NEK6: variants seen among roughly 807,000 people sequenced by gnomAD.
NEK6 encodes the protein NIMA related kinase 6.
NEK6 carries 27 observed loss-of-function variants against 43.5 expected under a neutral mutation model. That is an observed-to-expected ratio of 0.62 (90% confidence interval 0.46 to 0.86). The LOEUF (loss-of-function observed/expected upper bound fraction) is 0.86. NEK6 is among the 40% of genes least tolerant of loss of function. NEK6 has a pLI of 0.00. For synonymous variants in NEK6, 167 were observed against 164.1 expected, an observed-to-expected ratio of 1.02 and a Z score of -0.14; for missense variants, 318 against 414.4, an observed-to-expected ratio of 0.77 and a Z score of 2.02.
intron 5 of NEK6, among the ~76,000 whole-genome samples, chr9:124,323,778 AGAG>A (rs1205572738): frequency 6.6e-6 from 1 of 152,130 alleles, no homozygotes; most frequent in Non-Finnish European, 1.5e-5. Context: ...CTGAGAGAGA[AGAG>A]GAGACATGGG....
intron 1 of NEK6, among the ~76,000 whole-genome samples, chr9:124,258,551 G>T (rs1830900599): frequency 6.6e-6 from 1 of 152,242 alleles, no homozygotes; most frequent in Admixed American, 6.5e-5. Context: ...GCGAAAGTAT[G>T]CCTGTGTGGG....
At chr9:124,330,208 G>A (rs1247472979) in intron 7 of NEK6, among the ~76,000 whole-genome samples, 1 of 152,210 alleles carries the variant, frequency 6.6e-6, no homozygotes, top group Non-Finnish European at 1.5e-5. Context: ...AATAGGAGCC[G>A]TAATTAGAGC....
intron 1 of NEK6, among the ~76,000 whole-genome samples, chr9:124,282,926 AT>A (rs1178649729): frequency 6.8e-4 from 103 of 152,270 alleles, no homozygotes; most frequent in African/African-American, 2.3e-3. Context: ...AGGGCCCGCC[AT>A]TCCCGGCAGC....
chr9:124,277,523 C>T (rs1469409386), intron 1 of NEK6, among the ~76,000 whole-genome samples: 2 of 152,194 alleles, frequency 1.3e-5, no homozygotes, highest in Non-Finnish European at 2.9e-5. Context: ...GGTGTTGGGG[C>T]AGCGGAGGGC....
intron 1 of NEK6, among the ~76,000 whole-genome samples, chr9:124,285,859 G>A (rs777287895): frequency 3.9e-5 from 6 of 152,152 alleles, no homozygotes; most frequent in Non-Finnish European, 7.3e-5. Flanking sequence ...TCTGTAAAAC[G>A]GAGATAATAA....
intron 1 of NEK6, among the ~76,000 whole-genome samples, chr9:124,294,864 G>A (rs1293254443): frequency 6.6e-6 from 1 of 152,220 alleles, no homozygotes; most frequent in Non-Finnish European, 1.5e-5. Context: ...GGAGTGTGGA[G>A]GCTGAAGGTA....
chr9:124,318,904 C>G (rs1205974809), intron 4 of NEK6, among the ~76,000 whole-genome samples: 1 of 152,134 alleles, frequency 6.6e-6, no homozygotes, highest in Non-Finnish European at 1.5e-5. Context: ...CTCCTGACTT[C>G]AGGTGATCCA....
At chr9:124,276,388 C>T (rs1831651455) in intron 1 of NEK6, among the ~76,000 whole-genome samples, 1 of 152,132 alleles carries the variant, frequency 6.6e-6, no homozygotes, top group African/African-American at 2.4e-5. Flanking sequence ...CTCCTCTGAC[C>T]CTGGCCCTTC....
In NEK6 at chr9:124,312,427, G is replaced by A. The variant is rs1156991749; in HGVS notation, c.91-82G>A. On this transcript the variant is annotated intron_variant, in intron 2 of 9. Coordinates refer to ENST00000320246, the MANE Select transcript of NEK6 (RefSeq NM_014397.6). ...CTCCTTCACCTTAGAGGGTGCTGTT[G>A]GGGTGCTGGGCCTCTAGGGGTCGTC... is the stretch of plus-strand genomic sequence containing the variant. The A allele has an allele frequency of 2.1e-6, 3 of 1,447,192 alleles. No individual in the cohort carries two copies. In the African/African-American group the frequency reaches 4.2e-5, roughly 20 times the overall value. 89.6% of individuals were successfully genotyped at this position (1,447,192 alleles called of 1,614,324 possible). A position where few individuals can be genotyped will look rare whatever the true frequency, so the allele number is the denominator to read the frequency against.
rs373203489 is a variant in NEK6, at chr9:124,314,775, C to T, written c.294+790C>T. Among the ~76,000 whole-genome samples the T allele has an allele frequency of 1.5e-4, 23 of 152,102 alleles. No individual in the cohort carries two copies. In the East Asian group the frequency reaches 2.1e-3, roughly 14 times the overall value. ...CCCCACCTTCTCGGTTCAAGCAGTT[C>T]TCCTGTCTCAGTCTCCTGGGATTAC... On this transcript the variant is annotated intron_variant, in intron 4 of 9. Coordinates refer to ENST00000320246, the MANE Select transcript of NEK6 (RefSeq NM_014397.6).
rs141689800 is a variant in NEK6, at chr9:124,280,624, G to A, written c.-29-21312G>A. ...TGACCAGTGTCCATTGGGTCATCAG[G>A]CCTCCAGGGCCACATGTTTGGAAAG... On this transcript the variant is annotated intron_variant, in intron 1 of 9. Transcript: ENST00000320246. 4.4e-3 allele frequency among the ~76,000 whole-genome samples: 668 copies of A among 152,312 alleles called. 7 individuals are homozygous for A. The highest frequency in any genetic ancestry group is 7.1e-3 in the Non-Finnish European group (481 of 68,022).
intron 1 of NEK6, 62 bp downstream of exon 1, chr9:124,258,147 C>T (rs1830881353): frequency 7.2e-6 from 7 of 977,290 alleles, no homozygotes; most frequent in African/African-American, 1.8e-5. Flanking sequence ...AGGGCGGGGG[C>T]CGGGCGGCGG....
At chr9:124,300,365 C>T (rs114189489) in intron 1 of NEK6, among the ~76,000 whole-genome samples, 1 of 152,282 alleles carries the variant, frequency 6.6e-6, no homozygotes, top group African/African-American at 2.4e-5. Flanking sequence ...CCTTTCCCAC[C>T]TCCTGGAACA....
At position 124,287,829 on chromosome 9, in the gene NEK6, G is replaced by GA. The variant is rs752785742; in HGVS notation, c.-29-14098dup. 2.7e-3 allele frequency among the ~76,000 whole-genome samples: 402 copies of GA among 149,932 alleles called. 2 individuals carry two copies. The highest frequency in any genetic ancestry group is 9.0e-3 in the African/African-American group (369 of 40,822). ...GACAGAGTGACACTGTCTCAAAAAA[G>GA]AAAAAAAAACCGCCCAGAAGAAATG... On this transcript the variant is annotated intron_variant, in intron 1 of 9. Coordinates refer to ENST00000320246, the MANE Select transcript of NEK6 (RefSeq NM_014397.6).
intron 1 of NEK6, among the ~76,000 whole-genome samples, chr9:124,269,490 C>T (rs142179063): frequency 9.1e-4 from 139 of 152,228 alleles, no homozygotes; most frequent in African/African-American, 3.3e-3. Flanking sequence ...TCTCCTGCCG[C>T]AGCCTCCCGA....
At chr9:124,329,322 C>T (rs1828842925) in intron 7 of NEK6, among the ~76,000 whole-genome samples, 1 of 152,248 alleles carries the variant, frequency 6.6e-6, no homozygotes, top group Non-Finnish European at 1.5e-5. Context: ...TGTCCCCCGT[C>T]AGTCAGCACC....
At chr9:124,284,319 A>G (rs1274724938) in intron 1 of NEK6, among the ~76,000 whole-genome samples, 1 of 152,272 alleles carries the variant, frequency 6.6e-6, no homozygotes, top group Non-Finnish European at 1.5e-5. Context: ...ACTGCACTCC[A>G]TACTGGGCGA....
At chr9:124,270,705 G>T (rs762086840) in intron 1 of NEK6, among the ~76,000 whole-genome samples, 92 of 152,238 alleles carry the variant, frequency 6.0e-4, no homozygotes, top group Non-Finnish European at 2.1e-4. Flanking sequence ...GGCCCCTGCT[G>T]CAGGTAACGG....
chr9:124,347,619 T>C lies in NEK6; in HGVS notation c.718-90T>C. 13 of 773,566 alleles carry C rather than the reference T, an allele frequency of 1.7e-5. No individual in the cohort carries two copies. In the South Asian group the frequency reaches 2.6e-4, roughly 15 times the overall value. The allele number at this position is 773,566 out of a possible 1,614,324, so 47.9% of individuals were successfully genotyped here. A position where few individuals can be genotyped will look rare whatever the true frequency, so the allele number is the denominator to read the frequency against. On this transcript the variant is annotated intron_variant, in intron 8 of 9. Coordinates refer to ENST00000320246, the MANE Select transcript of NEK6 (RefSeq NM_014397.6). ...CGCGGTCGGGACCAGAGAGAACCCA[T>C]GCCCCAACAATCTGGAGCAGCCTCC...
Sources: gnomAD v4.1 joint callset for allele counts (sites outside exome capture counted in the v4.1 genomes callset) on GRCh38, gnomAD v4.1.1 for gene constraint, MANE v1.5 for transcripts, NCBI Gene and HGNC (gene_info 2026-07-23, HGNC 2026-07-21) for gene names.